Variants in ENPP2 observed in about 807,000 individuals in gnomAD.
The protein encoded by ENPP2 is autotaxin.
A neutral mutation model predicts 120.2 loss-of-function variants in ENPP2; 51 were observed. That is an observed-to-expected ratio of 0.42 (90% CI 0.34 to 0.54). The LOEUF (loss-of-function observed/expected upper bound fraction) is 0.54. Ranked by LOEUF, ENPP2 falls within the 20% of genes least tolerant of loss-of-function variation. ENPP2 has a pLI of 0.04. For synonymous variants in ENPP2, 365 were observed against 366.4 expected, an observed-to-expected ratio of 1.00 and a Z score of 0.04; for missense variants, 920 against 1,066.5, an observed-to-expected ratio of 0.86 and a Z score of 1.91.
chr8:119,662,287 A>G (rs1466525868), intron 1 of ENPP2, among the ~76,000 whole-genome samples: 1 of 152,236 alleles, frequency 6.6e-6, no homozygotes, highest in Non-Finnish European at 1.5e-5. Flanking sequence ...ATCATGTTGT[A>G]TCTCGTAAAT....
rs2130317368 is a variant in ENPP2, at chr8:119,582,561, C to A, written c.1585G>T (p.Gly529Ter). The A allele has an allele frequency of 6.2e-7, 1 of 1,613,918 alleles. No individual in the cohort carries two copies. Residue 529 changes from glycine (G) to a stop codon, truncating the protein, a stop_gained, in exon 18 of 25, where the codon GGA (glycine) becomes TGA (stop). Coordinates refer to ENST00000075322, the MANE Select transcript of ENPP2 (RefSeq NM_001040092.3). LOFTEE classifies it high-confidence loss of function. ...LKPAPNNGTH[G>*]SLNHLLRTNT... ...GTGCGCAGGAGATGATTCAAACTTC[C>A]ATGGGTCCCATTATTAGGAGCTGGC... is the stretch of plus-strand genomic sequence containing the variant.
chr8:119,564,116 G>A (rs1047627757), intron 23 of ENPP2, among the ~76,000 whole-genome samples: 2 of 151,848 alleles, frequency 1.3e-5, no homozygotes, highest in Non-Finnish European at 2.9e-5. Flanking sequence ...CAGCACCAAA[G>A]AGACAGAGAC....
At chr8:119,599,234 T>A (rs192494074) in intron 11 of ENPP2, among the ~76,000 whole-genome samples, 3 of 152,326 alleles carry the variant, frequency 2.0e-5, no homozygotes, top group Admixed American at 2.0e-4. Context: ...TTATATAACT[T>A]CAGTGATTTA....
intron 2 of ENPP2, among the ~76,000 whole-genome samples, chr8:119,633,818 A>C (rs989216042): frequency 1.2e-4 from 17 of 147,496 alleles, no homozygotes; most frequent in Non-Finnish European, 2.3e-4. Flanking sequence ...GATTTCATAA[A>C]CTTTTTTTTT....
chr8:119,654,723 G>A (rs1204313403), intron 1 of ENPP2, among the ~76,000 whole-genome samples: 1 of 152,036 alleles, frequency 6.6e-6, no homozygotes, highest in Non-Finnish European at 1.5e-5. Flanking sequence ...TAATGAAATA[G>A]TTATAAAAAA....
intron 19 of ENPP2, among the ~76,000 whole-genome samples, chr8:119,575,118 A>G (rs1353915024): frequency 2.0e-5 from 3 of 152,162 alleles, no homozygotes; most frequent in African/African-American, 7.2e-5. Context: ...GGCTTTCTAC[A>G]TATGACCTGT....
At chr8:119,574,851 G>A (rs1334831275) in intron 19 of ENPP2, among the ~76,000 whole-genome samples, 1 of 151,966 alleles carries the variant, frequency 6.6e-6, no homozygotes, top group African/African-American at 2.4e-5. Context: ...ATCATTTGCT[G>A]CCATTTCAAC....
At chr8:119,569,445 TCTC>T (rs1195761823) in intron 20 of ENPP2, 75 bp from the exon 21 acceptor site, 13 of 1,411,326 alleles carry the variant, frequency 9.2e-6, no homozygotes, top group Non-Finnish European at 1.3e-5. Flanking sequence ...CCCTCTGGCT[TCTC>T]CTATGCTTGT....
At position 119,562,978 on chromosome 8, in the gene ENPP2, T is replaced by C; in HGVS notation, c.2300A>G (p.His767Arg). ...VEGSSIPVPT[H>R]YYSIITSCLD... ...ACAGCTGGTGATGATGCTGTAGTAG[T>C]GAGTTGGAACAGGAATGGAACTGCC... The change falls in exon 24 of 25, where the codon CAC becomes CGC. Residue 767 changes from histidine (H) to arginine (R), a missense_variant. Coordinates refer to ENST00000075322, the MANE Select transcript of ENPP2 (RefSeq NM_001040092.3). 6.2e-7 allele frequency: 1 copy of C among 1,613,998 alleles called. No homozygotes were observed. Among genetic ancestry groups the C allele is most frequent in the Non-Finnish European group, 8.5e-7 (1 of 1,179,956 alleles).
chr8:119,626,870 G>T (rs1816316007), intron 2 of ENPP2, 150 bp from the exon 3 acceptor site: 2 of 650,822 alleles, frequency 3.1e-6, no homozygotes, highest in East Asian at 2.8e-5. Context: ...ACTCTGGGCA[G>T]GTTGCCCAAC....
At chr8:119,598,019 C>G (rs1432835237) in intron 11 of ENPP2, among the ~76,000 whole-genome samples, 1 of 152,060 alleles carries the variant, frequency 6.6e-6, no homozygotes, top group Non-Finnish European at 1.5e-5. Flanking sequence ...AATCTTTCAA[C>G]TAGTATGTTA....
chr8:119,586,943 C>T, intron 14 of ENPP2, 101 bp downstream of exon 14: 1 of 944,210 alleles, frequency 1.1e-6, no homozygotes, highest in South Asian at 1.4e-5. Context: ...GGAAAGTGTT[C>T]CTCCCACCCC....
At chr8:119,587,333 T>G (rs1002264000) in intron 13 of ENPP2, among the ~76,000 whole-genome samples, 1 of 152,222 alleles carries the variant, frequency 6.6e-6, no homozygotes, top group African/African-American at 2.4e-5. Flanking sequence ...GAATTCCTCC[T>G]TCCATAGCAC....
intron 1 of ENPP2, among the ~76,000 whole-genome samples, chr8:119,647,730 C>T (rs1401986602): frequency 1.3e-5 from 2 of 152,094 alleles, no homozygotes; most frequent in East Asian, 1.9e-4. Context: ...TGTGGCCGGG[C>T]GCAGTGGCTC....
At chr8:119,570,993 C>G in intron 19 of ENPP2, 152 bp from the exon 20 acceptor site, 1 of 459,036 alleles carries the variant, frequency 2.2e-6, no homozygotes, top group Non-Finnish European at 3.7e-6. Flanking sequence ...GCTAGTTTTC[C>G]TAACACTTTT....
intron 19 of ENPP2, among the ~76,000 whole-genome samples, chr8:119,576,371 C>T (rs930113545): frequency 6.6e-6 from 1 of 152,170 alleles, no homozygotes. Context: ...CTCTTGACCT[C>T]AGGTGATCCA....
chr8:119,638,957 C>T, upstream of ENPP2: 1 of 727,260 alleles, frequency 1.4e-6, no homozygotes, highest in Non-Finnish European at 2.3e-6. Flanking sequence ...AATCGCAGCT[C>T]TGAGCCTAAG....
chr8:119,624,609 CA>C (rs1173371212), intron 3 of ENPP2, among the ~76,000 whole-genome samples: 1 of 151,998 alleles, frequency 6.6e-6, no homozygotes, highest in East Asian at 1.9e-4. Context: ...TAGTAAAACT[CA>C]GGGAAATATT....
At chr8:119,646,274 C>T (rs1817464775) in intron 1 of ENPP2, among the ~76,000 whole-genome samples, 1 of 152,140 alleles carries the variant, frequency 6.6e-6, no homozygotes, top group Non-Finnish European at 1.5e-5. Flanking sequence ...CAGCCTTTTC[C>T]TCCTAAACTT....
Sources: allele counts gnomAD v4.1 joint callset (sites outside exome capture counted in the v4.1 genomes callset), GRCh38; gene constraint gnomAD v4.1.1; transcripts MANE v1.5; gene names NCBI Gene and HGNC (gene_info 2026-07-23, HGNC 2026-07-21).